The following MAST4 variants were observed in gnomAD, a reference collection of about 807,000 sequenced individuals.
MAST4 encodes the protein microtubule-associated serine/threonine-protein kinase 4.
In MAST4, 89 loss-of-function variants were observed where a neutral mutation model predicts 162.7. The observed-to-expected ratio is 0.55, with a 90% confidence interval of 0.46 to 0.65. The LOEUF (loss-of-function observed/expected upper bound fraction) is 0.65, where lower values mean the gene tolerates loss of function less well. MAST4 is among the 30% of genes least tolerant of loss of function. The pLI is 0.00. For missense variants in MAST4, 3,153 were observed against 3,374.0 expected, an observed-to-expected ratio of 0.93 and a Z score of 1.62; for synonymous variants, 1,479 against 1,361.1, an observed-to-expected ratio of 1.09 and a Z score of -1.91.
intron 1 of MAST4, among the ~76,000 whole-genome samples, chr5:66,718,261 T>G (rs571914000): frequency 1.1e-3 from 172 of 152,048 alleles, no homozygotes; most frequent in African/African-American, 4.0e-3. Context: ...TTGTTTGTTT[T>G]TTTGTTTTTT....
intron 3 of MAST4, among the ~76,000 whole-genome samples, chr5:66,866,698 C>T (rs764706952): frequency 2.0e-5 from 3 of 152,136 alleles, no homozygotes; most frequent in Non-Finnish European, 4.4e-5. Context: ...GTTTATTCTT[C>T]TCTGAAAATG....
At chr5:67,105,130 G>T (rs564481799) in intron 10 of MAST4, among the ~76,000 whole-genome samples, 122 of 152,252 alleles carry the variant, frequency 8.0e-4, no homozygotes, top group African/African-American at 2.9e-3. Flanking sequence ...TGCATGCCTA[G>T]CACTTGATAA....
intron 1 of MAST4, among the ~76,000 whole-genome samples, chr5:66,731,839 A>T (rs995474018): frequency 1.3e-5 from 2 of 151,958 alleles, no homozygotes; most frequent in East Asian, 3.9e-4. Context: ...TGAATTCAAC[A>T]TGTGCAAGAA....
chr5:66,965,225 C>CTATT (rs1676827337), intron 4 of MAST4, among the ~76,000 whole-genome samples: 1 of 84,898 alleles, frequency 1.2e-5, no homozygotes, highest in African/African-American at 4.6e-5. Flanking sequence ...TTTTTTTTTG[C>CTATT]TTTTTTTTTT....
chr5:67,161,204 T>C (rs1210318804), intron 27 of MAST4, among the ~76,000 whole-genome samples: 1 of 152,204 alleles, frequency 6.6e-6, no homozygotes, highest in East Asian at 1.9e-4. Context: ...GTGTGCCTCC[T>C]TTGCAATGCC....
Position 67,165,723 on chromosome 5 carries a change from C to A in MAST4, c.6544C>A (p.Pro2182Thr). ...CTCGAGCCCCCAGGACCCTCCCAAG[C>A]CTGTTGCTGCGCACAGTGAAAGCAG... Reference protein sequence around the residue: ...PSSSPQDPPKPVAAHSESSSH... With the variant: ...PSSSPQDPPKTVAAHSESSSH... The change falls in exon 29 of 29, where the codon CCT becomes ACT. Residue 2182 changes from proline (P) to threonine (T), a missense_variant. This residue lies in a region of MAST4 where 1,644 missense variants were observed against 1,495.0 expected (regional missense o/e 1.10). Transcript: ENST00000403625. 6.3e-7 allele frequency: 1 copy of A among 1,576,512 alleles called. No individual in the cohort carries two copies. Among genetic ancestry groups the A allele is most frequent in the Non-Finnish European group, 8.6e-7 (1 of 1,162,242 alleles).
chr5:67,060,456 TAC>T (rs1380379116), intron 5 of MAST4, among the ~76,000 whole-genome samples: 1 of 151,006 alleles, frequency 6.6e-6, no homozygotes, highest in Non-Finnish European at 1.5e-5. Context: ...GTGCCAGAGA[TAC>T]TCCTGGGAGT....
chr5:66,968,923 AC>A (rs146998822), intron 4 of MAST4, among the ~76,000 whole-genome samples: 3,970 of 152,258 alleles, frequency 0.026, 69 homozygotes, highest in Non-Finnish European at 0.04. Context: ...CAGATTACAC[AC>A]GGAAGAGGAT....
At chr5:66,831,126 A>G (rs868779040) in intron 3 of MAST4, among the ~76,000 whole-genome samples, 3 of 152,204 alleles carry the variant, frequency 2.0e-5, no homozygotes, top group South Asian at 2.1e-4. Context: ...GAGGAACCCA[A>G]TAAATATTGT....
intron 1 of MAST4, among the ~76,000 whole-genome samples, chr5:66,641,204 G>A (rs1745467418): frequency 6.6e-6 from 1 of 152,132 alleles, no homozygotes; most frequent in South Asian, 2.1e-4. Context: ...CCAGGCTGAA[G>A]TGCGGTGGTA....
chr5:66,999,558 C>T (rs1481862336), intron 4 of MAST4, among the ~76,000 whole-genome samples: 1 of 152,190 alleles, frequency 6.6e-6, no homozygotes, highest in African/African-American at 2.4e-5. Context: ...GCATTCTCTT[C>T]CCATTCTGGC....
chr5:66,650,176 G>A (rs558336737), intron 1 of MAST4, among the ~76,000 whole-genome samples: 8 of 152,052 alleles, frequency 5.3e-5, no homozygotes, highest in Non-Finnish European at 1.0e-4. Context: ...ACAGATCTAG[G>A]CTCAGCTTGG....
At position 67,167,698 on chromosome 5, in the gene MAST4, C is replaced by T. The variant is rs1434055386; in HGVS notation, c.*647C>T. 6.6e-6 allele frequency: 1 copy of T among 152,140 alleles called. No homozygotes were observed. The highest frequency in any genetic ancestry group is 1.5e-5 in the Non-Finnish European group (1 of 68,020). The allele number at this position is 152,140 out of a possible 1,614,324, so 9.4% of individuals were successfully genotyped here. ...TACTGTATCTGGCTACCTATATTTC[C>T]AGATCTAAAGCAAGAACTACTCTAA... is the stretch of plus-strand genomic sequence containing the variant. On this transcript the variant is annotated 3_prime_UTR_variant, in exon 29 of 29. Coordinates refer to ENST00000403625, the MANE Select transcript of MAST4 (RefSeq NM_001164664.2).
chr5:66,646,156 G>A (rs1488338992), intron 1 of MAST4, among the ~76,000 whole-genome samples: 1 of 152,114 alleles, frequency 6.6e-6, no homozygotes, highest in South Asian at 2.1e-4. Context: ...ACAACATGCA[G>A]TAGGTAAATG....
chr5:67,166,656 G>C lies in MAST4; in HGVS notation c.7477G>C (p.Glu2493Gln). 1 of 1,598,580 alleles carries C rather than the reference G, an allele frequency of 6.3e-7. No individual in the cohort carries two copies. Among genetic ancestry groups the C allele is most frequent in the South Asian group, 1.1e-5 (1 of 88,392 alleles). ...SSAKAAGGML[E>Q]LPAPSNRDHR... ...TGCCAAGGCCGCCGGGGGCATGCTG[G>C]AGCTTCCAGCCCCCAGCAACAGGGA... The change falls in exon 29 of 29, where the codon GAG becomes CAG. Residue 2493 changes from glutamate (E) to glutamine (Q), a missense_variant. Glu to Gln is a conservative substitution (Grantham distance 29). Around this residue, in one of 7 missense-constraint regions of MAST4, gnomAD observed 1,644 missense variants for 1,495.0 expected, o/e 1.10. Coordinates refer to ENST00000403625, the MANE Select transcript of MAST4 (RefSeq NM_001164664.2).
intron 1 of MAST4, among the ~76,000 whole-genome samples, chr5:66,662,030 G>C (rs2149461734): frequency 6.6e-6 from 1 of 151,484 alleles, no homozygotes; most frequent in South Asian, 2.1e-4. Flanking sequence ...AAAACAAGTA[G>C]GTTTGCCCTA....
rs1056935050 is a variant in MAST4 at position 67,169,058 on chromosome 5, G to A, written c.*2007G>A. 5 of 151,900 alleles carry A rather than the reference G, an allele frequency of 3.3e-5. No individual in the cohort carries two copies. Among genetic ancestry groups the A allele is most frequent in the Admixed American group, 6.6e-5 (1 of 15,240 alleles). 9.4% of individuals were successfully genotyped at this position (151,900 alleles called of 1,614,324 possible). On this transcript the variant is annotated 3_prime_UTR_variant, in exon 29 of 29. Transcript: ENST00000403625. Reference sequence around the variant, plus strand: ...AATGGATTTCAAAACTGGTCTCAACGTTTATAATACATATCTGTGTTTGGC... The same window carrying A: ...AATGGATTTCAAAACTGGTCTCAACATTTATAATACATATCTGTGTTTGGC...
chr5:66,799,640 T>C (rs1357948886), intron 3 of MAST4, among the ~76,000 whole-genome samples: 1 of 152,238 alleles, frequency 6.6e-6, no homozygotes, highest in Non-Finnish European at 1.5e-5. Context: ...ATTTCTTGGA[T>C]GGAACAGATA....
chr5:66,857,348 A>C (rs1453108792), intron 3 of MAST4, among the ~76,000 whole-genome samples: 1 of 152,212 alleles, frequency 6.6e-6, no homozygotes, highest in Non-Finnish European at 1.5e-5. Flanking sequence ...CACTGTTACA[A>C]ACGATACTTC....
Sources: gnomAD v4.1 joint callset for allele counts (sites outside exome capture counted in the v4.1 genomes callset) on GRCh38, gnomAD v4.1.1 for gene constraint, gnomAD v4.1.1 regional missense constraint, MANE v1.5 for transcripts, NCBI Gene and HGNC (gene_info 2026-07-23, HGNC 2026-07-21) for gene names.